The following RAI14 variants were observed in gnomAD, a reference collection of about 807,000 sequenced individuals.
The protein encoded by RAI14 is retinoic acid induced 14.
RAI14 carries 45 observed loss-of-function variants against 115.4 expected under a neutral mutation model. The observed-to-expected ratio is 0.39, with a 90% confidence interval of 0.31 to 0.50. The LOEUF (loss-of-function observed/expected upper bound fraction) is 0.50, where lower values mean the gene tolerates loss of function less well. Among genes scored for constraint, RAI14 ranks in the 20% least tolerant of loss-of-function variants. The probability of loss-of-function intolerance (pLI) is 0.85; values close to 1 mark genes in which losing one functional copy is unlikely to be tolerated. For missense variants in RAI14, 939 were observed against 1,131.2 expected, an observed-to-expected ratio of 0.83 and a Z score of 2.44; for synonymous variants, 371 against 415.4, an observed-to-expected ratio of 0.89 and a Z score of 1.30.
At chr5:34,787,850 C>T (rs11950613) in intron 3 of RAI14, among the ~76,000 whole-genome samples, 2,798 of 128,218 alleles carry the variant, frequency 0.022, 96 homozygotes, top group African/African-American at 0.075. Context: ...TATACATTGC[C>T]TTTAATGGTT....
At chr5:34,698,682 A>C (rs1446233961) in intron 2 of RAI14, among the ~76,000 whole-genome samples, 1 of 152,168 alleles carries the variant, frequency 6.6e-6, no homozygotes, top group Admixed American at 6.5e-5. Flanking sequence ...TACATGGGCA[A>C]ATAACAGAAA....
intron 3 of RAI14, among the ~76,000 whole-genome samples, chr5:34,773,935 G>C (rs1292514633): frequency 6.6e-6 from 1 of 152,176 alleles, no homozygotes; most frequent in Non-Finnish European, 1.5e-5. Flanking sequence ...CCTAGCTAAA[G>C]CAATCAGACA....
In RAI14 at chr5:34,709,709, A is replaced by G. The variant is rs139564918; in HGVS notation, c.36+22754A>G. 1.5e-3 allele frequency among the ~76,000 whole-genome samples: 228 copies of G among 152,302 alleles called. 1 individual carries two copies. The highest frequency in any genetic ancestry group is 5.3e-3 in the African/African-American group (219 of 41,570). The stretch of plus-strand genomic sequence containing the variant: ...CCCAACTCCCATACAACTGAATACA[A>G]TTTTCTGGAGAGGAGCTGGGTTGGG... On this transcript the variant is annotated intron_variant, in intron 2 of 17. Coordinates refer to ENST00000265109, the MANE Select transcript of RAI14 (RefSeq NM_015577.3).
chr5:34,776,221 C>T (rs1750815105), intron 3 of RAI14, among the ~76,000 whole-genome samples: 1 of 152,108 alleles, frequency 6.6e-6, no homozygotes, highest in Non-Finnish European at 1.5e-5. Context: ...AGAAATTAAA[C>T]TCATGGAGAT....
intron 16 of RAI14, among the ~76,000 whole-genome samples, chr5:34,826,963 A>C (rs372650641): frequency 5.3e-5 from 8 of 152,264 alleles, no homozygotes; most frequent in South Asian, 4.2e-4. Context: ...ATCACCACAA[A>C]TTTGGTTTAA....
chr5:34,814,271 GCTCAT>G (rs1755928080), intron 11 of RAI14, among the ~76,000 whole-genome samples: 1 of 152,140 alleles, frequency 6.6e-6, no homozygotes, highest in African/African-American at 2.4e-5. Context: ...GAGAGGAATA[GCTCAT>G]CTCATAAGTA....
chr5:34,812,621 C>T (rs1755739567), intron 10 of RAI14, among the ~76,000 whole-genome samples: 1 of 151,936 alleles, frequency 6.6e-6, no homozygotes. Context: ...GCTGAGATTG[C>T]ACGATTGCAC....
intron 2 of RAI14, among the ~76,000 whole-genome samples, chr5:34,724,451 T>G (rs1202951771): frequency 1.3e-5 from 2 of 152,146 alleles, no homozygotes; most frequent in Non-Finnish European, 2.9e-5. Context: ...TCTAATAAAT[T>G]GTAACCCACA....
At chr5:34,812,675 A>G (rs997382479) in intron 10 of RAI14, among the ~76,000 whole-genome samples, 4 of 152,072 alleles carry the variant, frequency 2.6e-5, no homozygotes, top group Non-Finnish European at 5.9e-5. Flanking sequence ...CAAAAAAAAA[A>G]GGTGGTAAAG....
chr5:34,787,980 G>C (rs1752512946), intron 3 of RAI14, among the ~76,000 whole-genome samples: 1 of 128,224 alleles, frequency 7.8e-6, no homozygotes, highest in Admixed American at 9.2e-5. Flanking sequence ...GTGGTGGTGT[G>C]ATCACAGCTC....
chr5:34,687,452 C>T, intron 2 of RAI14: 1 of 853,472 alleles, frequency 1.2e-6, no homozygotes, highest in Non-Finnish European at 1.6e-6. Flanking sequence ...CCCCGAATTC[C>T]AGGGACTCGT....
chr5:34,751,709 C>A (rs1747050643), intron 2 of RAI14, among the ~76,000 whole-genome samples: 1 of 152,136 alleles, frequency 6.6e-6, no homozygotes, highest in Non-Finnish European at 1.5e-5. Flanking sequence ...GTAATTCTTG[C>A]CTGTTATGAG....
chr5:34,657,551 T>A (rs542496859), intron 1 of RAI14, among the ~76,000 whole-genome samples: 36 of 152,276 alleles, frequency 2.4e-4, no homozygotes, highest in African/African-American at 8.2e-4. Context: ...TTGAGGGGAA[T>A]CTGCGGACTC....
intron 1 of RAI14, among the ~76,000 whole-genome samples, chr5:34,680,376 G>A (rs1025092069): frequency 2.0e-5 from 3 of 152,176 alleles, no homozygotes; most frequent in Admixed American, 6.5e-5. Flanking sequence ...ATGTGGATGC[G>A]AAAGAGACCA....
At chr5:34,664,507 A>G (rs1028792136) in intron 1 of RAI14, among the ~76,000 whole-genome samples, 2 of 151,764 alleles carry the variant, frequency 1.3e-5, no homozygotes, top group South Asian at 4.2e-4. Flanking sequence ...CTTATTTATT[A>G]TATTACCTTT....
chr5:34,751,147 G>A (rs569979705), intron 2 of RAI14, among the ~76,000 whole-genome samples: 33 of 125,030 alleles, frequency 2.6e-4, no homozygotes, highest in East Asian at 2.1e-3. Flanking sequence ...CACCGCGCCC[G>A]GCCATAATTT....
chr5:34,764,655 T>C lies in RAI14; in HGVS notation c.167+7057T>C, dbSNP rs115381859. The stretch of plus-strand genomic sequence containing the variant: ...TAGAATTGCAATGAAAGGTACATTT[T>C]TGCTTAAAGTAAATTATATTAAAGT... On this transcript the variant is annotated intron_variant, in intron 3 of 17. Transcript: ENST00000265109. 2.7e-3 allele frequency among the ~76,000 whole-genome samples: 411 copies of C among 152,228 alleles called. 2 individuals are homozygous for C. Among genetic ancestry groups the C allele is most frequent in the African/African-American group, 9.4e-3 (392 of 41,522 alleles).
intron 3 of RAI14, among the ~76,000 whole-genome samples, chr5:34,788,182 G>A (rs537750094): frequency 1.3e-5 from 2 of 152,146 alleles, no homozygotes; most frequent in South Asian, 4.1e-4. Flanking sequence ...GCCTCCCAAA[G>A]TGCTGGGATT....
chr5:34,721,289 GTGTATATATATA>G (rs1470751057), intron 2 of RAI14, among the ~76,000 whole-genome samples: 2 of 61,720 alleles, frequency 3.2e-5, no homozygotes, highest in African/African-American at 1.5e-4. Context: ...AGATGTAGAT[GTGTATATATATA>G]TATATATATA....
Sources: gnomAD v4.1 joint callset for allele counts (sites outside exome capture counted in the v4.1 genomes callset) on GRCh38, gnomAD v4.1.1 for gene constraint, MANE v1.5 for transcripts, NCBI Gene and HGNC (gene_info 2026-07-23, HGNC 2026-07-21) for gene names.